Variants in RTF2 observed in about 807,000 individuals in gnomAD.
RTF2 encodes replication termination factor 2, also known as UPF0549 protein C20orf43.
RTF2 carries 18 observed loss-of-function variants against 38.0 expected under a neutral mutation model. The ratio of observed to expected loss-of-function variants is 0.47; its 90% confidence interval spans 0.33 to 0.70. The LOEUF is 0.70. RTF2 is among the 30% of genes least tolerant of loss of function. The pLI is 0.02. For missense variants in RTF2, 311 were observed against 379.6 expected, an observed-to-expected ratio of 0.82 and a Z score of 1.50; for synonymous variants, 126 against 137.1, an observed-to-expected ratio of 0.92 and a Z score of 0.57.
At chr20:56,484,576 A>G (rs1055483886) in intron 5 of RTF2, among the ~76,000 whole-genome samples, 1 of 152,148 alleles carries the variant, frequency 6.6e-6, no homozygotes, top group Non-Finnish European at 1.5e-5. Context: ...TCGTAATGTA[A>G]TTGCGTATGT....
chr20:56,499,872 G>T (rs866861236), intron 5 of RTF2, among the ~76,000 whole-genome samples: 3 of 152,038 alleles, frequency 2.0e-5, no homozygotes, highest in Non-Finnish European at 4.4e-5. Context: ...GAGTAGCTGG[G>T]ATTACAGGCA....
At chr20:56,493,034 G>A (rs140693455) in intron 5 of RTF2, among the ~76,000 whole-genome samples, 20 of 152,166 alleles carry the variant, frequency 1.3e-4, no homozygotes, top group Non-Finnish European at 2.5e-4. Context: ...AAATTAGCTG[G>A]GTGTGGTGGT....
chr20:56,517,135 G>A lies in RTF2; in HGVS notation c.676G>A (p.Gly226Arg), dbSNP rs763363709. ...EAPGPSKVKT[G>R]KPEEASLDSR... ...CCCAGGGCCATCAAAAGTTAAGACAGGGAAGCCTGAAGAAGCCAGCCTTGA... is the reference window on the plus strand; with the variant it reads ...CCCAGGGCCATCAAAAGTTAAGACAAGGAAGCCTGAAGAAGCCAGCCTTGA... The change falls in exon 8 of 9, where the codon GGG becomes AGG. Residue 226 changes from glycine to arginine, a missense_variant. Coordinates refer to ENST00000357348, the MANE Select transcript of RTF2 (RefSeq NM_016407.5). The A allele has an allele frequency of 8.1e-6, 13 of 1,614,180 alleles. No individual in the cohort carries two copies. Among genetic ancestry groups the A allele is most frequent in the Admixed American group, 1.7e-5 (1 of 60,020 alleles).
intron 5 of RTF2, among the ~76,000 whole-genome samples, chr20:56,489,686 G>GC (rs1474736775): frequency 7.2e-5 from 11 of 152,206 alleles, no homozygotes; most frequent in African/African-American, 2.4e-4. Context: ...CTTTTACAGG[G>GC]CCCCCTTCAC....
chr20:56,488,731 A>G (rs1193644755), intron 5 of RTF2, among the ~76,000 whole-genome samples: 1 of 152,204 alleles, frequency 6.6e-6, no homozygotes. Flanking sequence ...AAACTTTCAC[A>G]TGTTCATTTT....
At chr20:56,514,464 A>G (rs1351062518) in intron 6 of RTF2, among the ~76,000 whole-genome samples, 1 of 152,240 alleles carries the variant, frequency 6.6e-6, no homozygotes, top group African/African-American at 2.4e-5. Context: ...GGCTGAGGAC[A>G]TAAAATTATG....
intron 1 of RTF2, among the ~76,000 whole-genome samples, chr20:56,471,344 G>A (rs573421810): frequency 2.6e-5 from 4 of 152,204 alleles, no homozygotes; most frequent in East Asian, 1.9e-4. Context: ...TGAAGCAGGC[G>A]GATCATGAGG....
At chr20:56,484,068 AT>A in intron 4 of RTF2, 42 bp from the exon 5 acceptor site, 1 of 1,521,468 alleles carries the variant, frequency 6.6e-7, no homozygotes, top group Non-Finnish European at 9.1e-7. Context: ...TGAATTGATC[AT>A]GTGATTAATA....
chr20:56,517,344 T>A (rs961477258), intron 8 of RTF2, 143 bp downstream of exon 8: 28 of 663,642 alleles, frequency 4.2e-5, no homozygotes, highest in African/African-American at 9.1e-5. Flanking sequence ...GAACTCTCTT[T>A]AGGGGGGTAA....
At chr20:56,486,567 T>C (rs1394032127) in intron 5 of RTF2, among the ~76,000 whole-genome samples, 1 of 152,150 alleles carries the variant, frequency 6.6e-6, no homozygotes, top group African/African-American at 2.4e-5. Flanking sequence ...GAGAATTGCT[T>C]GAACCTGGGA....
At chr20:56,511,367 G>A (rs911291448) in intron 5 of RTF2, among the ~76,000 whole-genome samples, 2 of 152,010 alleles carry the variant, frequency 1.3e-5, no homozygotes, top group African/African-American at 4.8e-5. Context: ...TGCTGCTTAT[G>A]AGACTCTAAT....
At chr20:56,488,283 C>T (rs1982899905) in intron 5 of RTF2, among the ~76,000 whole-genome samples, 1 of 151,992 alleles carries the variant, frequency 6.6e-6, no homozygotes, top group Non-Finnish European at 1.5e-5. Flanking sequence ...ATTGCTTGAA[C>T]CTGGGAGGTG....
chr20:56,504,779 A>G (rs1473733633), intron 5 of RTF2, among the ~76,000 whole-genome samples: 1 of 152,218 alleles, frequency 6.6e-6, no homozygotes, highest in African/African-American at 2.4e-5. Flanking sequence ...ACCAAGAGAC[A>G]TAGATCACAC....
chr20:56,508,080 C>T (rs1984398685), intron 5 of RTF2, among the ~76,000 whole-genome samples: 2 of 152,144 alleles, frequency 1.3e-5, no homozygotes, highest in South Asian at 4.1e-4. Context: ...TATGGCACCA[C>T]CCTCAGGGAT....
chr20:56,497,445 G>A (rs1322874955), intron 5 of RTF2: 23 of 1,535,998 alleles, frequency 1.5e-5, no homozygotes, highest in Non-Finnish European at 1.9e-5. Flanking sequence ...TTCAAATAAA[G>A]CGGAACACAG....
intron 2 of RTF2, 93 bp from the exon 3 acceptor site, chr20:56,474,585 A>G (rs541963959): frequency 2.7e-4 from 195 of 722,858 alleles, no homozygotes; most frequent in Non-Finnish European, 4.0e-4. Flanking sequence ...TATCAAATGT[A>G]AACGACTTTT....
At chr20:56,496,160 C>T (rs769646059) in intron 5 of RTF2, among the ~76,000 whole-genome samples, 4 of 152,192 alleles carry the variant, frequency 2.6e-5, no homozygotes, top group Non-Finnish European at 5.9e-5. Flanking sequence ...AATCAGAGAA[C>T]TTCCTGTTTC....
intron 6 of RTF2, among the ~76,000 whole-genome samples, chr20:56,515,165 AAG>A (rs941224958): frequency 1.3e-4 from 20 of 152,198 alleles, no homozygotes; most frequent in Non-Finnish European, 2.1e-4. Flanking sequence ...TCATTATTGT[AAG>A]AGAGAAAAAA....
Position 56,518,259 on chromosome 20 carries a change from C to G in RTF2, c.915C>G (p.Cys305Trp). Reference sequence around the variant, plus strand: ...ACTGGGTCACCCACACGTCCTACTGCTTCTGAAGCCCGCACTGCCACCGCT... The same window carrying G: ...ACTGGGTCACCCACACGTCCTACTGGTTCTGAAGCCCGCACTGCCACCGCT... ...SAHWVTHTSY[C>W]F The change falls in exon 9 of 9, where the codon TGC becomes TGG. Residue 305 changes from cysteine (C) to tryptophan (W), a missense_variant. By Grantham distance (215) the Cys-to-Trp change is radical (BLOSUM62 -2). Transcript: ENST00000357348. The G allele has an allele frequency of 6.2e-7, 1 of 1,610,732 alleles. No homozygotes were observed. The highest frequency in any genetic ancestry group is 8.5e-7 in the Non-Finnish European group (1 of 1,178,900).
Sources: allele counts gnomAD v4.1 joint callset (sites outside exome capture counted in the v4.1 genomes callset), GRCh38; gene constraint gnomAD v4.1.1; transcripts MANE v1.5; gene names NCBI Gene and HGNC (gene_info 2026-07-23, HGNC 2026-07-21).